PCNX1: variants seen among roughly 807,000 people sequenced by gnomAD.
PCNX1 encodes pecanex-like protein 1.
In PCNX1, 78 loss-of-function variants were observed where a neutral mutation model predicts 242.2. The ratio of observed to expected loss-of-function variants is 0.32; its 90% CI spans 0.27 to 0.39. PCNX1 has a LOEUF of 0.39. Ranked by LOEUF, PCNX1 falls within the 10% of genes least tolerant of loss-of-function variation. The pLI is 1.00. For synonymous variants in PCNX1, 1,024 were observed against 1,032.9 expected (o/e 0.99, Z 0.17); for missense variants, 2,581 against 2,856.5 (o/e 0.90, Z 2.20).
intron 28 of PCNX1, among the ~76,000 whole-genome samples, chr14:71,080,070 A>G (rs1566784159): frequency 6.6e-6 from 1 of 152,204 alleles, no homozygotes; most frequent in East Asian, 1.9e-4. Flanking sequence ...GAAGGGGTCC[A>G]GTTTCAGTTT....
chr14:71,008,493 A>G (rs910913416), intron 8 of PCNX1, among the ~76,000 whole-genome samples: 2 of 151,830 alleles, frequency 1.3e-5, no homozygotes, highest in African/African-American at 4.8e-5. Flanking sequence ...TGTCTCTACT[A>G]AAAATACGAA....
Position 70,996,375 on chromosome 14 carries a change from G to A in PCNX1, c.2629+450G>A, listed in dbSNP as rs115351591. Among the ~76,000 whole-genome samples the A allele has an allele frequency of 8.5e-3, 1,297 of 152,098 alleles. 21 individuals carry two copies. The highest frequency in any genetic ancestry group is 0.03 in the African/African-American group (1,247 of 41,506). On this transcript the variant is annotated intron_variant, in intron 8 of 35. Coordinates refer to ENST00000304743, the MANE Select transcript of PCNX1 (RefSeq NM_014982.3). ...ATATTCTATATTTCACACTATGTTC[G>A]TCATCTGTAGTAGGTTTTATTTTAA...
chr14:71,050,736 T>G lies in PCNX1; in HGVS notation c.4423T>G (p.Phe1475Val). ...QITWGSAFHAFAQPFAVPHSA... is the reference protein window; with the variant it reads ...QITWGSAFHAVAQPFAVPHSA... ...CACATGGGGTTCTGCTTTCCATGCTTTTGCTCAGCCTTTTGCAGTGCCTCG... is the reference window on the plus strand; with the variant it reads ...CACATGGGGTTCTGCTTTCCATGCTGTTGCTCAGCCTTTTGCAGTGCCTCG... Residue 1475 changes from phenylalanine (F) to valine (V), a missense_variant, in exon 23 of 36, where the codon TTT becomes GTT. By Grantham distance (50) the Phe-to-Val change is conservative. This residue lies in a region of PCNX1 where 99 missense variants were observed against 147.3 expected (regional missense o/e 0.67). Transcript: ENST00000304743. 2 of 1,613,842 alleles carry G rather than the reference T, an allele frequency of 1.2e-6. No individual in the cohort carries two copies. The highest frequency in any genetic ancestry group is 1.7e-6 in the Non-Finnish European group (2 of 1,179,866).
chr14:71,023,845 A>AT (rs2060168850), intron 13 of PCNX1, among the ~76,000 whole-genome samples: 2 of 152,048 alleles, frequency 1.3e-5, no homozygotes. Context: ...ATAGTTTATG[A>AT]TTTTTTTCCT....
At chr14:70,983,665 C>A (rs1019616177) in intron 6 of PCNX1, among the ~76,000 whole-genome samples, 2 of 151,364 alleles carry the variant, frequency 1.3e-5, no homozygotes, top group East Asian at 3.8e-4. Flanking sequence ...TAGGCCAGTC[C>A]TTTAAAATGT....
At chr14:70,939,263 A>G (rs1168180272) in intron 1 of PCNX1, among the ~76,000 whole-genome samples, 3 of 152,084 alleles carry the variant, frequency 2.0e-5, no homozygotes, top group Admixed American at 6.5e-5. Flanking sequence ...TCTCTTCTGG[A>G]CATTTAGTGC....
chr14:71,077,221 A>G (rs939417285), intron 28 of PCNX1, among the ~76,000 whole-genome samples: 1 of 152,130 alleles, frequency 6.6e-6, no homozygotes, highest in Non-Finnish European at 1.5e-5. Flanking sequence ...AGGTCTCATG[A>G]TTTTTGTGGT....
intron 1 of PCNX1, among the ~76,000 whole-genome samples, chr14:70,940,129 A>C (rs1455708728): frequency 6.6e-6 from 1 of 152,136 alleles, no homozygotes; most frequent in Non-Finnish European, 1.5e-5. Context: ...GCCCAATTAC[A>C]TTTAAGGTTA....
At chr14:71,033,039 T>A (rs1287037693) in intron 16 of PCNX1, among the ~76,000 whole-genome samples, 2 of 152,232 alleles carry the variant, frequency 1.3e-5, no homozygotes, top group African/African-American at 4.8e-5. Context: ...TTTCCTACTC[T>A]TATTATTGTA....
At chr14:70,975,015 T>G (rs1406940028) in intron 5 of PCNX1, among the ~76,000 whole-genome samples, 2 of 152,224 alleles carry the variant, frequency 1.3e-5, no homozygotes, top group African/African-American at 4.8e-5. Flanking sequence ...GGCTGTGTCT[T>G]TTAAAATGAA....
intron 11 of PCNX1, among the ~76,000 whole-genome samples, chr14:71,015,288 C>G (rs2059931805): frequency 6.6e-6 from 1 of 152,082 alleles, no homozygotes; most frequent in Admixed American, 6.5e-5. Context: ...TGGTAAGTCA[C>G]TATATGGATA....
At chr14:70,991,513 T>A (rs1198937097) in intron 7 of PCNX1, among the ~76,000 whole-genome samples, 2 of 152,170 alleles carry the variant, frequency 1.3e-5, no homozygotes, top group East Asian at 1.9e-4. Flanking sequence ...CCCTACTACT[T>A]ATTTTTAAAG....
At chr14:70,989,242 A>G (rs2059087042) in intron 7 of PCNX1, among the ~76,000 whole-genome samples, 1 of 151,880 alleles carries the variant, frequency 6.6e-6, no homozygotes, top group Admixed American at 6.6e-5. Flanking sequence ...ACTAACATAC[A>G]TAATTTATGT....
chr14:71,113,399 G>T lies in PCNX1; in HGVS notation c.*3464G>T, dbSNP rs1566820272. 6.6e-6 allele frequency: 1 copy of T among 152,606 alleles called. No homozygotes were observed. The highest frequency in any genetic ancestry group is 2.4e-5 in the African/African-American group (1 of 41,422). 9.5% of individuals were successfully genotyped at this position (152,606 alleles called of 1,614,324 possible). On this transcript the variant is annotated 3_prime_UTR_variant, in exon 36 of 36. Coordinates refer to ENST00000304743, the MANE Select transcript of PCNX1 (RefSeq NM_014982.3). ...TCAGGCAATGAAAATGTAAGTTTTTGTGTAGAAAACCCATTAAGAAGATGT... is the reference window on the plus strand; with the variant it reads ...TCAGGCAATGAAAATGTAAGTTTTTTTGTAGAAAACCCATTAAGAAGATGT...
intron 28 of PCNX1, among the ~76,000 whole-genome samples, chr14:71,081,297 T>C (rs2061848555): frequency 6.6e-6 from 1 of 152,176 alleles, no homozygotes; most frequent in Admixed American, 6.5e-5. Flanking sequence ...ATTTTCTCAT[T>C]GATGTTCATC....
intron 7 of PCNX1, among the ~76,000 whole-genome samples, chr14:70,994,350 C>T (rs1244796254): frequency 7.0e-6 from 1 of 143,160 alleles, no homozygotes; most frequent in Admixed American, 7.1e-5. Context: ...CTGTATCAGA[C>T]AGCATAGTTC....
intron 1 of PCNX1, among the ~76,000 whole-genome samples, chr14:70,910,599 A>C (rs2055857960): frequency 6.6e-6 from 1 of 152,146 alleles, no homozygotes; most frequent in Non-Finnish European, 1.5e-5. Context: ...GCTTTCTCTG[A>C]TAGCCTATGT....
At chr14:71,085,395 A>T (rs558225494) in intron 28 of PCNX1, 1 of 152,364 alleles carries the variant, frequency 6.6e-6, no homozygotes, top group East Asian at 1.9e-4. Context: ...GATTTAAAAA[A>T]ATCTATTAAA....
At chr14:71,068,600 G>GTGTGTGTGTGTA (rs2061513240) in intron 26 of PCNX1, among the ~76,000 whole-genome samples, 1 of 143,522 alleles carries the variant, frequency 7.0e-6, no homozygotes. Flanking sequence ...GCGTGTGTGT[G>GTGTGTGTGTGTA]TGTGTGTGTG....
Sources: allele counts gnomAD v4.1 joint callset (sites outside exome capture counted in the v4.1 genomes callset), GRCh38; gene constraint gnomAD v4.1.1; regional missense constraint gnomAD v4.1.1; transcripts MANE v1.5; gene names NCBI Gene and HGNC (gene_info 2026-07-23, HGNC 2026-07-21).